NIN: variants seen among roughly 807,000 people sequenced by gnomAD.
NIN encodes ninein.
Under a neutral mutation model 257.6 loss-of-function variants are expected in NIN, and 137 were observed. That is an observed-to-expected ratio of 0.53 (90% confidence interval 0.46 to 0.61). The LOEUF (loss-of-function observed/expected upper bound fraction) is 0.61. Among genes scored for constraint, NIN ranks in the 20% least tolerant of loss-of-function variants. The probability of loss-of-function intolerance (pLI) is 0.00; values close to 1 mark genes in which losing one functional copy is unlikely to be tolerated. For missense variants in NIN, 2,439 were observed against 2,501.2 expected, an observed-to-expected ratio of 0.98 and a Z score of 0.53; for synonymous variants, 918 against 919.8, an observed-to-expected ratio of 1.00 and a Z score of 0.04.
In NIN at chr14:50,744,366, C is replaced by G; in HGVS notation, c.5065-1G>C. 6.2e-7 allele frequency: 1 copy of G among 1,613,512 alleles called. No homozygotes were observed. Among genetic ancestry groups the G allele is most frequent in the Non-Finnish European group, 8.5e-7 (1 of 1,179,742 alleles). On this transcript the variant is annotated splice_acceptor_variant, in intron 22 of 30. Coordinates refer to ENST00000530997, the MANE Select transcript of NIN (RefSeq NM_020921.4). LOFTEE classifies it high-confidence loss of function. Reference sequence around the variant, plus strand: ...CAGAGAGATCGGGACATCTGTGCAGCTGTAAGAGATAAACAAATGAGCCCT... The same window carrying G: ...CAGAGAGATCGGGACATCTGTGCAGGTGTAAGAGATAAACAAATGAGCCCT...
intron 15 of NIN, 89 bp from the exon 16 acceptor site, chr14:50,762,000 G>A: frequency 1.4e-6 from 2 of 1,401,802 alleles, no homozygotes; most frequent in Non-Finnish European, 2.0e-6. Flanking sequence ...GTTTAACTAA[G>A]GAATGATTTT....
At chr14:50,742,824 G>A (rs1170805807) in intron 24 of NIN, among the ~76,000 whole-genome samples, 1 of 152,092 alleles carries the variant, frequency 6.6e-6, no homozygotes, top group East Asian at 1.9e-4. Context: ...TGCCTTAGAA[G>A]TCCTATCTAT....
At chr14:50,731,021 A>G (rs2040667945) in intron 28 of NIN, 1 of 1,040,210 alleles carries the variant, frequency 9.6e-7, no homozygotes, top group Non-Finnish European at 1.3e-6. Context: ...CAAAAAGAAG[A>G]GAAAATTACA....
At position 50,767,566 on chromosome 14, in the gene NIN, C is replaced by T. The variant is rs370002237; in HGVS notation, c.1435-676G>A. Among the ~76,000 whole-genome samples the T allele has an allele frequency of 1.2e-4, 18 of 152,000 alleles. No individual in the cohort carries two copies. The East Asian group carries it at 1.5e-3, about 13-fold the overall frequency. On this transcript the variant is annotated intron_variant, in intron 12 of 30. Coordinates refer to ENST00000530997, the MANE Select transcript of NIN (RefSeq NM_020921.4). ...GGCATAGTGGCTCACGCCTGTAATC[C>T]CAGCACTTTGGGAGGCCAAGGTGGG...
intron 7 of NIN, among the ~76,000 whole-genome samples, chr14:50,773,925 G>A (rs2042826165): frequency 6.6e-6 from 1 of 152,210 alleles, no homozygotes; most frequent in Non-Finnish European, 1.5e-5. Flanking sequence ...GATCATTGAA[G>A]CCACAGAACG....
chr14:50,757,886 T>A lies in NIN; in HGVS notation c.3144A>T (p.Gly1048=). ...CCCCTTGCTGAAGCAGGGACAGGGC[T>A]CCATCTCCTTCCACCTCCTCCTCTC... The part of the protein sequence containing the change: ...VIGEEEVEGD[G]ALSLLQQGEQ... The change falls in exon 18 of 31, where the codon GGA becomes GGT. Residue 1048 remains glycine (G), a synonymous_variant. Coordinates refer to ENST00000530997, the MANE Select transcript of NIN (RefSeq NM_020921.4). 6.2e-7 allele frequency: 1 copy of A among 1,614,150 alleles called. No homozygotes were observed. The highest frequency in any genetic ancestry group is 1.1e-5 in the South Asian group (1 of 91,084).
At chr14:50,773,778 C>A (rs1269274451) in intron 7 of NIN, among the ~76,000 whole-genome samples, 1 of 152,178 alleles carries the variant, frequency 6.6e-6, no homozygotes, top group Non-Finnish European at 1.5e-5. Flanking sequence ...TAGTCCGCAC[C>A]CTCTGATGGT....
At chr14:50,751,494 T>C (rs1462508437) in intron 21 of NIN, among the ~76,000 whole-genome samples, 1 of 152,200 alleles carries the variant, frequency 6.6e-6, no homozygotes, top group South Asian at 2.1e-4. Flanking sequence ...ACAAGTGTTG[T>C]TTTAATTTGC....
chr14:50,799,941 T>C (rs777259816), intron 4 of NIN, among the ~76,000 whole-genome samples: 1 of 151,532 alleles, frequency 6.6e-6, no homozygotes, highest in Non-Finnish European at 1.5e-5. Context: ...CACCATTGCA[T>C]TCCAGCTTGG....
intron 4 of NIN, among the ~76,000 whole-genome samples, chr14:50,799,500 A>C (rs756032059): frequency 6.6e-6 from 1 of 152,198 alleles, no homozygotes; most frequent in Non-Finnish European, 1.5e-5. Flanking sequence ...GATTAGTGTA[A>C]TGACGTTATC....
At chr14:50,741,485 T>C in intron 25 of NIN, 97 bp downstream of exon 25, 2 of 916,552 alleles carry the variant, frequency 2.2e-6, no homozygotes, top group South Asian at 1.7e-5. Flanking sequence ...CATATTTATA[T>C]GTACATACAT....
At chr14:50,814,848 T>C (rs1410476959) in intron 3 of NIN, among the ~76,000 whole-genome samples, 1 of 152,066 alleles carries the variant, frequency 6.6e-6, no homozygotes, top group African/African-American at 2.4e-5. Flanking sequence ...ATGCAGAAAA[T>C]TGGAACTGGA....
chr14:50,759,837 AT>A lies in NIN; in HGVS notation c.2399+19del. The A allele has an allele frequency of 6.3e-7, 1 of 1,584,196 alleles. No individual in the cohort carries two copies. The highest frequency in any genetic ancestry group is 8.6e-7 in the Non-Finnish European group (1 of 1,168,928). On this transcript the variant is annotated intron_variant, in intron 17 of 30. Transcript: ENST00000530997. ...GAGGGATGGTGCCCCAGGTAGCTTC[AT>A]TTCCCTTCACTTTCTTACCTTCCCT...
intron 24 of NIN, among the ~76,000 whole-genome samples, chr14:50,743,161 G>C (rs1159434667): frequency 2.6e-5 from 4 of 151,310 alleles, no homozygotes; most frequent in Non-Finnish European, 5.9e-5. Context: ...GTAGAGATGA[G>C]GTTTCACCAT....
intron 4 of NIN, among the ~76,000 whole-genome samples, chr14:50,797,407 A>G (rs1365062322): frequency 2.0e-5 from 3 of 151,970 alleles, no homozygotes; most frequent in Non-Finnish European, 4.4e-5. Flanking sequence ...CAGAGACACC[A>G]CCCCCATCCA....
chr14:50,820,118 A>T (rs1227222394), intron 3 of NIN, among the ~76,000 whole-genome samples: 2 of 152,108 alleles, frequency 1.3e-5, no homozygotes, highest in African/African-American at 2.4e-5. Context: ...ATCACCAGGG[A>T]CCTCCCACAT....
intron 3 of NIN, among the ~76,000 whole-genome samples, 156 bp from the exon 4 acceptor site, chr14:50,806,974 G>A (rs1256386602): frequency 6.6e-6 from 1 of 152,128 alleles, no homozygotes; most frequent in African/African-American, 2.4e-5. Context: ...AAAGACAGAA[G>A]GGAAAATAGG....
chr14:50,766,991 T>G, intron 12 of NIN, 101 bp from the exon 13 acceptor site: 1 of 758,826 alleles, frequency 1.3e-6, no homozygotes, highest in East Asian at 2.5e-5. Flanking sequence ...AGATTAAAGA[T>G]GTTTATCTAT....
At chr14:50,747,677 T>C (rs2041607468) in intron 22 of NIN, among the ~76,000 whole-genome samples, 1 of 147,638 alleles carries the variant, frequency 6.8e-6, no homozygotes, top group South Asian at 2.1e-4. Context: ...GAGGTTGCAG[T>C]GAGCTGAGAT....
Sources: allele counts gnomAD v4.1 joint callset (sites outside exome capture counted in the v4.1 genomes callset), GRCh38; gene constraint gnomAD v4.1.1; transcripts MANE v1.5; gene names NCBI Gene and HGNC (gene_info 2026-07-23, HGNC 2026-07-21).